TP53BP1: variants seen among roughly 807,000 people sequenced by gnomAD.
TP53BP1 encodes tumor protein p53 binding protein 1, also known as TP53-binding protein 1.
TP53BP1 carries 61 observed loss-of-function variants against 200.8 expected under a neutral mutation model. The observed-to-expected ratio is 0.30, with a 90% CI of 0.25 to 0.38. TP53BP1 has a LOEUF of 0.38. TP53BP1 is among the 10% of genes least tolerant of loss of function. The pLI, the probability that TP53BP1 is intolerant of heterozygous loss-of-function variation, is 1.00. For missense variants in TP53BP1, 2,144 were observed against 2,371.9 expected, an observed-to-expected ratio of 0.90 and a Z score of 2.00; for synonymous variants, 822 against 844.3, an observed-to-expected ratio of 0.97 and a Z score of 0.46.
intron 13 of TP53BP1, 181 bp downstream of exon 13, chr15:43,447,185 C>T (rs1660145322): frequency 3.3e-6 from 2 of 612,044 alleles, no homozygotes; most frequent in Non-Finnish European, 5.6e-6. Context: ...TTTCCTTCCT[C>T]TCTTTACCCC....
rs561120177 is a variant in TP53BP1, at chr15:43,434,625, A to G, written c.3192-1948T>C. Reference sequence around the variant, plus strand: ...ACCTCAGAGAGCTCTCTTGCCCCCAACTGCCATGTGAGAACAGCTGTCTAC... The same window carrying G: ...ACCTCAGAGAGCTCTCTTGCCCCCAGCTGCCATGTGAGAACAGCTGTCTAC... On this transcript the variant is annotated intron_variant, in intron 16 of 27. Transcript: ENST00000382044. Among the ~76,000 whole-genome samples, 11 of 152,238 alleles carry G rather than the reference A, an allele frequency of 7.2e-5. No individual in the cohort carries two copies. The South Asian group carries it at 1.9e-3, about 26-fold the overall frequency.
In TP53BP1 at chr15:43,405,120, A is replaced by C. The variant is rs963532112; in HGVS notation, c.*2263T>G. On this transcript the variant is annotated 3_prime_UTR_variant, in exon 28 of 28. Coordinates refer to ENST00000382044, the MANE Select transcript of TP53BP1 (RefSeq NM_001141980.3). ...GTTTTAAGATGACATTATTTAGATC[A>C]CAGGTTATCCTGATTCATATTTCTT... The C allele has an allele frequency of 2.7e-6, 4 of 1,495,380 alleles. No homozygotes were observed. Among genetic ancestry groups the C allele is most frequent in the Admixed American group, 1.7e-5 (1 of 58,188 alleles). 92.6% of individuals were successfully genotyped at this position (1,495,380 alleles called of 1,614,324 possible). A position where few individuals can be genotyped will look rare whatever the true frequency, so the allele number is the denominator to read the frequency against.
At chr15:43,443,685 G>A (rs1385414940) in intron 14 of TP53BP1, among the ~76,000 whole-genome samples, 1 of 152,026 alleles carries the variant, frequency 6.6e-6, no homozygotes, top group Non-Finnish European at 1.5e-5. Flanking sequence ...ACAGGGAGAA[G>A]CCCTGTCTCA....
chr15:43,441,570 A>G lies in TP53BP1; in HGVS notation c.3054T>C (p.Gly1018=). The change falls in exon 15 of 28, where the codon GGT becomes GGC. Residue 1018 remains glycine, a synonymous_variant. Coordinates refer to ENST00000382044, the MANE Select transcript of TP53BP1 (RefSeq NM_001141980.3). ...CAGCAGTAGATCCATTTTTTCTTTC[A>G]CCAGTTGCAGGCTCTGAATAAAAAC... ...LQFNLEKPAT[G]ERKNGSTAVA... 1 of 1,612,908 alleles carries G rather than the reference A, an allele frequency of 6.2e-7. No homozygotes were observed. Among genetic ancestry groups the G allele is most frequent in the Non-Finnish European group, 8.5e-7 (1 of 1,179,040 alleles).
chr15:43,432,903 T>C (rs1421524810), intron 16 of TP53BP1, among the ~76,000 whole-genome samples: 3 of 151,966 alleles, frequency 2.0e-5, no homozygotes, highest in Non-Finnish European at 2.9e-5. Context: ...ATAGAACAAT[T>C]CCACCATGAT....
At chr15:43,477,299 CAA>C (rs59711190) in intron 8 of TP53BP1, among the ~76,000 whole-genome samples, 14 of 99,432 alleles carry the variant, frequency 1.4e-4, no homozygotes, top group Admixed American at 2.2e-4. Context: ...GACTCCATCT[CAA>C]AAAAAAAAAA....
At chr15:43,420,894 T>A (rs1156442473) in intron 20 of TP53BP1, 131 bp downstream of exon 20, 1 of 1,345,900 alleles carries the variant, frequency 7.4e-7, no homozygotes, top group Admixed American at 2.3e-5. Context: ...CTCACTCTGA[T>A]CCCTGCCCAC....
In TP53BP1 at chr15:43,479,480, T is replaced by C; in HGVS notation, c.705A>G (p.Glu235=). 6.2e-7 allele frequency: 1 copy of C among 1,613,956 alleles called. No individual in the cohort carries two copies. The highest frequency in any genetic ancestry group is 1.3e-5 in the African/African-American group (1 of 75,008). ...TCACAGGGATGTCCTTGCTGGACTG[T>C]TCTGCTATGGGGATATCTTCGTTGG... ...EQSNEDIPIA[E]QSSKDIPVTA... is the part of the protein sequence containing the mutation. Residue 235 remains glutamate (E), a synonymous_variant, in exon 7 of 28, where the codon GAA becomes GAG. Coordinates refer to ENST00000382044, the MANE Select transcript of TP53BP1 (RefSeq NM_001141980.3).
At chr15:43,478,746 C>T (rs2078918816) in intron 7 of TP53BP1, among the ~76,000 whole-genome samples, 2 of 152,186 alleles carry the variant, frequency 1.3e-5, no homozygotes, top group South Asian at 4.1e-4. Context: ...GGGTGCTCCT[C>T]AAGTATAGAA....
rs538533993 is a variant in TP53BP1 at position 43,447,613 on chromosome 15, A to C, written c.2717-128T>G. 63 of 963,920 alleles carry C rather than the reference A, an allele frequency of 6.5e-5. No homozygotes were observed. The African/African-American group carries it at 1.0e-3, about 15-fold the overall frequency. The allele number at this position is 963,920 out of a possible 1,614,324, so 59.7% of individuals were successfully genotyped here. On this transcript the variant is annotated intron_variant, in intron 12 of 27. Coordinates refer to ENST00000382044, the MANE Select transcript of TP53BP1 (RefSeq NM_001141980.3). The stretch of plus-strand genomic sequence containing the variant: ...CAATCACTCTTTTCCTTTGCTCCCA[A>C]ATTCTGTCTCATTGCCACCACCCTC...
At chr15:43,510,094 C>A (rs549200800) in intron 1 of TP53BP1, among the ~76,000 whole-genome samples, 90 of 147,316 alleles carry the variant, frequency 6.1e-4, no homozygotes, top group Non-Finnish European at 8.3e-4. Context: ...CCTTTCCCAA[C>A]CTCTGGTTTT....
At chr15:43,480,204 T>C (rs2078943356) in intron 5 of TP53BP1, among the ~76,000 whole-genome samples, 187 bp from the exon 6 acceptor site, 1 of 152,188 alleles carries the variant, frequency 6.6e-6, no homozygotes, top group Admixed American at 6.5e-5. Flanking sequence ...ATCCCGGCAT[T>C]TGGGAGGCCA....
intron 12 of TP53BP1, among the ~76,000 whole-genome samples, chr15:43,448,476 C>G (rs903435515): frequency 6.6e-6 from 1 of 151,996 alleles, no homozygotes; most frequent in African/African-American, 2.4e-5. Flanking sequence ...TCATCTTTTT[C>G]CACTCCTATC....
intron 14 of TP53BP1, among the ~76,000 whole-genome samples, chr15:43,445,812 G>A (rs764753231): frequency 9.2e-5 from 14 of 152,028 alleles, no homozygotes; most frequent in Non-Finnish European, 1.9e-4. Context: ...TTAAAGACTG[G>A]GTAGAATTTA....
At position 43,404,285 on chromosome 15, in the gene TP53BP1, G is replaced by A; in HGVS notation, c.*3098C>T. On this transcript the variant is annotated 3_prime_UTR_variant, in exon 28 of 28. Coordinates refer to ENST00000382044, the MANE Select transcript of TP53BP1 (RefSeq NM_001141980.3). The stretch of plus-strand genomic sequence containing the variant: ...AGGAACTAATAGAAATAGGAATGTG[G>A]GAAGGCCAGGTGGTTCTGTAGAATT... The A allele has an allele frequency of 9.1e-7, 1 of 1,102,918 alleles. No homozygotes were observed. The highest frequency in any genetic ancestry group is 1.3e-6 in the Non-Finnish European group (1 of 781,610). The allele number at this position is 1,102,918 out of a possible 1,614,324, so 68.3% of individuals were successfully genotyped here.
chr15:43,468,578 T>C (rs1057144745), intron 11 of TP53BP1, among the ~76,000 whole-genome samples: 1 of 150,922 alleles, frequency 6.6e-6, no homozygotes, highest in South Asian at 2.1e-4. Context: ...AAGAAAATGA[T>C]GTATGGTTCG....
intron 4 of TP53BP1, among the ~76,000 whole-genome samples, chr15:43,484,791 C>T (rs1379628584): frequency 6.6e-6 from 1 of 151,264 alleles, no homozygotes; most frequent in African/African-American, 2.4e-5. Context: ...CACTCTGTTA[C>T]ACAAGCTAGA....
intron 14 of TP53BP1, among the ~76,000 whole-genome samples, chr15:43,442,124 C>T (rs1368125757): frequency 9.4e-5 from 13 of 138,994 alleles, no homozygotes; most frequent in African/African-American, 3.5e-4. Context: ...CTCACTCTGT[C>T]GCCCAGGCTG....
At chr15:43,414,230 ATCTTG>A in intron 23 of TP53BP1, 1 of 412,504 alleles carries the variant, frequency 2.4e-6, no homozygotes, top group Non-Finnish European at 5.0e-6. Context: ...TTACTTTGTC[ATCTTG>A]GGAAAGTTAG....
Sources: gnomAD v4.1 joint callset for allele counts (sites outside exome capture counted in the v4.1 genomes callset) on GRCh38, gnomAD v4.1.1 for gene constraint, MANE v1.5 for transcripts, NCBI Gene and HGNC (gene_info 2026-07-23, HGNC 2026-07-21) for gene names.